The following MED13L variants were observed in gnomAD, a reference collection of about 807,000 sequenced individuals.
MED13L encodes the protein mediator of RNA polymerase II transcription subunit 13-like.
Under a neutral mutation model 220.9 loss-of-function variants are expected in MED13L, and 7 were observed. That is an observed-to-expected ratio of 0.03 (90% CI 0.02 to 0.06). The LOEUF (loss-of-function observed/expected upper bound fraction) is 0.06. Among genes scored for constraint, MED13L ranks in the 10% least tolerant of loss-of-function variants. The pLI is 1.00. For missense variants in MED13L, 1,965 were observed against 2,760.5 expected (o/e 0.71, Z 6.46); for synonymous variants, 1,011 against 1,015.2 (o/e 1.00, Z 0.08).
intron 2 of MED13L, among the ~76,000 whole-genome samples, chr12:116,128,826 T>C (rs1184440118): frequency 2.0e-5 from 3 of 152,332 alleles, no homozygotes; most frequent in Admixed American, 6.5e-5. Context: ...GAATAGGGCA[T>C]ATGTGTTCCA....
chr12:116,071,505 C>T (rs1049232010), intron 4 of MED13L, among the ~76,000 whole-genome samples: 4 of 152,250 alleles, frequency 2.6e-5, no homozygotes, highest in Non-Finnish European at 5.9e-5. Context: ...CAGCTCACCA[C>T]AACCTCTGCC....
Position 116,079,599 on chromosome 12 carries a change from C to T in MED13L, c.479+17070G>A, listed in dbSNP as rs955256577. 2.6e-5 allele frequency among the ~76,000 whole-genome samples: 4 copies of T among 151,802 alleles called. No homozygotes were observed. The East Asian group carries it at 7.7e-4, about 29-fold the overall frequency. On this transcript the variant is annotated intron_variant, in intron 4 of 30. Coordinates refer to ENST00000281928, the MANE Select transcript of MED13L (RefSeq NM_015335.5). ...TGTCACCCAGGCTGGAGTACAGTGGCGTGATCACCGCTCATTGCAGCCTTG... is the reference window on the plus strand; with the variant it reads ...TGTCACCCAGGCTGGAGTACAGTGGTGTGATCACCGCTCATTGCAGCCTTG...
chr12:116,201,178 G>A (rs1183178284), intron 2 of MED13L, among the ~76,000 whole-genome samples: 1 of 152,136 alleles, frequency 6.6e-6, no homozygotes, highest in Non-Finnish European at 1.5e-5. Flanking sequence ...CTTTACCCAA[G>A]TCTTAACTTT....
intron 4 of MED13L, among the ~76,000 whole-genome samples, chr12:116,032,346 C>A (rs1339508375): frequency 6.6e-6 from 1 of 152,078 alleles, no homozygotes; most frequent in Non-Finnish European, 1.5e-5. Context: ...GCTAGTATCA[C>A]TATTTATAAT....
At chr12:116,253,744 GTTTTTTTTGTTTTTTTTTTTTT>G (rs1871778820) in intron 1 of MED13L, among the ~76,000 whole-genome samples, 1 of 108,686 alleles carries the variant, frequency 9.2e-6, no homozygotes, top group Admixed American at 9.3e-5. Flanking sequence ...CACCTTCACG[GTTTTTTTTGTTTTTTTTTTTTT>G]TTTTTTTTTT....
At chr12:116,201,427 T>C (rs1421203571) in intron 2 of MED13L, among the ~76,000 whole-genome samples, 1 of 151,888 alleles carries the variant, frequency 6.6e-6, no homozygotes, top group Non-Finnish European at 1.5e-5. Context: ...AGAATAAAAA[T>C]AGACATTAAC....
At chr12:116,066,116 T>C (rs1869902670) in intron 4 of MED13L, among the ~76,000 whole-genome samples, 1 of 151,968 alleles carries the variant, frequency 6.6e-6, no homozygotes, top group South Asian at 2.1e-4. Flanking sequence ...CACACATACA[T>C]ACACACACAC....
chr12:116,128,219 T>G (rs1414113930), intron 2 of MED13L, among the ~76,000 whole-genome samples: 2 of 152,220 alleles, frequency 1.3e-5, no homozygotes, highest in African/African-American at 2.4e-5. Flanking sequence ...CTTACTATAC[T>G]GCAAAGAACC....
intron 2 of MED13L, among the ~76,000 whole-genome samples, chr12:116,168,249 A>G (rs1227982768): frequency 1.3e-5 from 2 of 152,122 alleles, no homozygotes; most frequent in African/African-American, 2.4e-5. Context: ...GAGAACAAAC[A>G]GAGAAGAGCA....
Position 116,163,261 on chromosome 12 carries a change from T to C in MED13L, c.311-51749A>G, listed in dbSNP as rs546921864. On this transcript the variant is annotated intron_variant, in intron 2 of 30. Transcript: ENST00000281928. ...ACAAATCAATAAGCTAATTGCACTATCATCCTTATTAGTTAAAAAGCCCTA... is the reference window on the plus strand; with the variant it reads ...ACAAATCAATAAGCTAATTGCACTACCATCCTTATTAGTTAAAAAGCCCTA... 2.0e-5 allele frequency among the ~76,000 whole-genome samples: 3 copies of C among 152,086 alleles called. No individual in the cohort carries two copies. In the South Asian group the frequency reaches 6.2e-4, roughly 31 times the overall value.
In MED13L at chr12:115,991,860, T is replaced by G. The variant is rs1373823438; in HGVS notation, c.3094A>C (p.Asn1032His). 1 of 1,608,450 alleles carries G rather than the reference T, an allele frequency of 6.2e-7. No homozygotes were observed. Among genetic ancestry groups the G allele is most frequent in the East Asian group, 2.2e-5 (1 of 44,846 alleles). Residue 1032 changes from asparagine (N) to histidine (H), a missense_variant, in exon 17 of 31, where the codon AAT (asparagine) becomes CAT (histidine). Physicochemically the swap from Asn to His is moderately conservative, Grantham distance 68 (BLOSUM62 1). Coordinates refer to ENST00000281928, the MANE Select transcript of MED13L (RefSeq NM_015335.5). The surrounding 1 kb of genome is among the most constrained non-coding windows in gnomAD (Gnocchi z 7.7). ...VTLNSAAPAS[N>H]SGAGVLPSPA... ...GATGGTAGGACTCCTGCCCCACTAT[T>G]GCTGGCTGGGGCAGCGCTGTTCAAC... is the stretch of plus-strand genomic sequence containing the variant.
intron 2 of MED13L, among the ~76,000 whole-genome samples, chr12:116,217,795 T>C (rs1233901211): frequency 6.6e-6 from 1 of 152,164 alleles, no homozygotes; most frequent in East Asian, 1.9e-4. Flanking sequence ...AGTGCAGTAA[T>C]ATCTGATGAT....
intron 29 of MED13L, among the ~76,000 whole-genome samples, chr12:115,963,777 A>C (rs2137192696): frequency 6.6e-6 from 1 of 152,318 alleles, no homozygotes; most frequent in South Asian, 2.1e-4. Flanking sequence ...CTTCAATGGA[A>C]ATAGTCTAGC....
At chr12:116,005,547 G>A (rs942244100) in intron 13 of MED13L, among the ~76,000 whole-genome samples, 1 of 152,120 alleles carries the variant, frequency 6.6e-6, no homozygotes, top group Non-Finnish European at 1.5e-5. Context: ...GTAGTCCTGT[G>A]ATATTTAGAA....
intron 2 of MED13L, among the ~76,000 whole-genome samples, chr12:116,231,762 G>A (rs1468971653): frequency 6.6e-6 from 1 of 152,100 alleles, no homozygotes; most frequent in African/African-American, 2.4e-5. Flanking sequence ...GTATTTAGGG[G>A]CAAAGGTCCG....
At chr12:116,086,249 T>C (rs974949799) in intron 4 of MED13L, among the ~76,000 whole-genome samples, 10 of 151,296 alleles carry the variant, frequency 6.6e-5, no homozygotes, top group African/African-American at 1.9e-4. Flanking sequence ...CCGTAAAATG[T>C]AGTATTTTAA....
chr12:116,122,931 C>T (rs1875223655), intron 2 of MED13L, among the ~76,000 whole-genome samples: 2 of 152,156 alleles, frequency 1.3e-5, no homozygotes, highest in South Asian at 4.1e-4. Context: ...ACAACTGCTA[C>T]AGAAAACAGG....
chr12:116,162,793 G>C (rs954913758), intron 2 of MED13L, among the ~76,000 whole-genome samples: 3 of 152,114 alleles, frequency 2.0e-5, no homozygotes, highest in African/African-American at 7.2e-5. Context: ...TTTATGTCAA[G>C]TGACTTTTTC....
chr12:116,270,769 G>A (rs762935846), intron 1 of MED13L, among the ~76,000 whole-genome samples: 5 of 151,884 alleles, frequency 3.3e-5, no homozygotes, highest in Non-Finnish European at 5.9e-5. Context: ...TCAGCCGGGC[G>A]CGGTGGCTCG....
Sources: gnomAD v4.1 joint callset for allele counts (sites outside exome capture counted in the v4.1 genomes callset) on GRCh38, gnomAD v4.1.1 for gene constraint, Gnocchi (gnomAD v3.1) non-coding constraint, MANE v1.5 for transcripts, NCBI Gene and HGNC (gene_info 2026-07-23, HGNC 2026-07-21) for gene names.